Variants in MUSK observed in about 807,000 individuals in gnomAD.
MUSK encodes the protein muscle associated receptor tyrosine kinase, also known as muscle, skeletal receptor tyrosine-protein kinase.
A neutral mutation model predicts 88.7 loss-of-function variants in MUSK; 55 were observed. That is an observed-to-expected ratio of 0.62 (90% CI 0.50 to 0.78). The LOEUF (loss-of-function observed/expected upper bound fraction) is 0.78. MUSK is among the 30% of genes least tolerant of loss of function. The pLI is 0.00. For missense variants in MUSK, 1,015 were observed against 1,074.3 expected (o/e 0.94, Z 0.77); for synonymous variants, 387 against 391.9 (o/e 0.99, Z 0.15).
chr9:110,772,766 A>C (rs1043438273), intron 9 of MUSK, among the ~76,000 whole-genome samples: 10 of 152,058 alleles, frequency 6.6e-5, no homozygotes, highest in African/African-American at 2.4e-4. Context: ...TTTTTGCACC[A>C]AGAAATATTA....
At chr9:110,800,215 A>G (rs767055832) in intron 14 of MUSK, 91 bp from the exon 15 acceptor site, 6 of 1,155,236 alleles carry the variant, frequency 5.2e-6, no homozygotes, top group Admixed American at 4.6e-5. Flanking sequence ...AGGGCTTCAT[A>G]TGTTCTGACA....
At position 110,804,926 on chromosome 9, in the gene MUSK, A is replaced by G. The variant is rs2132079517; in HGVS notation, c.*3938A>G. ...ATAGAGAGAGATAGATAGATAATTT[A>G]AACAAAAATAAGATCATACTGCTAC... On this transcript the variant is annotated 3_prime_UTR_variant, in exon 15 of 15. Coordinates refer to ENST00000374448, the MANE Select transcript of MUSK (RefSeq NM_005592.4). Among the ~76,000 whole-genome samples the G allele has an allele frequency of 6.6e-6, 1 of 152,060 alleles. No homozygotes were observed. The highest frequency in any genetic ancestry group is 2.1e-4 in the South Asian group (1 of 4,826).
intron 3 of MUSK, among the ~76,000 whole-genome samples, chr9:110,689,214 T>C (rs1261793843): frequency 6.2e-5 from 6 of 97,404 alleles, no homozygotes; most frequent in African/African-American, 2.9e-4. Context: ...ATATTTTATA[T>C]AATATATAAT....
chr9:110,781,780 G>C (rs1190673635), intron 11 of MUSK, among the ~76,000 whole-genome samples: 1 of 152,146 alleles, frequency 6.6e-6, no homozygotes. Context: ...ACGGGCGAGG[G>C]AGCTTTCTTG....
At chr9:110,681,468 T>A (rs1210332983) in intron 1 of MUSK, among the ~76,000 whole-genome samples, 1 of 151,634 alleles carries the variant, frequency 6.6e-6, no homozygotes, top group Non-Finnish European at 1.5e-5. Context: ...TGAGTGTGGG[T>A]CAAAGACGTA....
intron 7 of MUSK, among the ~76,000 whole-genome samples, chr9:110,759,982 G>C (rs948420252): frequency 6.6e-6 from 1 of 152,216 alleles, no homozygotes; most frequent in East Asian, 1.9e-4. Context: ...GCTGCAGTGA[G>C]CCAAGATCAC....
At chr9:110,702,399 T>TGAGAAA (rs1182709149) in intron 5 of MUSK, among the ~76,000 whole-genome samples, 1 of 152,078 alleles carries the variant, frequency 6.6e-6, no homozygotes, top group East Asian at 1.9e-4. Context: ...TGTATAAAGC[T>TGAGAAA]GAGAACCACA....
At chr9:110,779,058 CTGTG>C (rs10680441) in intron 11 of MUSK, among the ~76,000 whole-genome samples, 49 of 149,716 alleles carry the variant, frequency 3.3e-4, no homozygotes, top group Admixed American at 2.5e-3. Context: ...GTCAGTGTCT[CTGTG>C]TGTGTGTGTG....
chr9:110,749,778 C>A (rs554211590), intron 7 of MUSK, among the ~76,000 whole-genome samples: 1 of 151,962 alleles, frequency 6.6e-6, no homozygotes, highest in East Asian at 1.9e-4. Flanking sequence ...ATAAGGTTTG[C>A]AAATGCTTGA....
At chr9:110,747,595 T>A (rs1417769042) in intron 6 of MUSK, 46 bp from the exon 7 acceptor site, 11 of 1,551,498 alleles carry the variant, frequency 7.1e-6, no homozygotes, top group Non-Finnish European at 9.7e-6. Flanking sequence ...CATAGTATAG[T>A]GGGAAATCCT....
Position 110,799,324 on chromosome 9 carries a change from A to G in MUSK, c.1928-982A>G, listed in dbSNP as rs1000781118. Among the ~76,000 whole-genome samples the G allele has an allele frequency of 2.6e-5, 4 of 152,174 alleles. No individual in the cohort carries two copies. In the South Asian group the frequency reaches 6.2e-4, roughly 24 times the overall value. ...TATGCCCATCTTATCTAATATTCCA[A>G]GTTCTCCAGTTTCCCTCTCAAATAT... On this transcript the variant is annotated intron_variant, in intron 14 of 14. Coordinates refer to ENST00000374448, the MANE Select transcript of MUSK (RefSeq NM_005592.4).
intron 5 of MUSK, among the ~76,000 whole-genome samples, chr9:110,699,589 A>C (rs2076475232): frequency 6.6e-6 from 1 of 152,200 alleles, no homozygotes. Context: ...ACCTATTTAG[A>C]GGTAAGGCTA....
intron 6 of MUSK, among the ~76,000 whole-genome samples, chr9:110,735,811 A>G (rs1156730538): frequency 6.6e-6 from 1 of 152,128 alleles, no homozygotes; most frequent in Non-Finnish European, 1.5e-5. Flanking sequence ...TGGGAGCAAG[A>G]CATCTCACAT....
intron 7 of MUSK, among the ~76,000 whole-genome samples, chr9:110,761,263 G>C (rs1001307945): frequency 2.0e-5 from 3 of 152,180 alleles, no homozygotes; most frequent in Non-Finnish European, 1.5e-5. Flanking sequence ...AGAGCCCTGA[G>C]TTTTTACATC....
intron 1 of MUSK, among the ~76,000 whole-genome samples, chr9:110,670,053 C>A (rs1428444294): frequency 6.6e-6 from 1 of 151,126 alleles, no homozygotes; most frequent in African/African-American, 2.5e-5. Flanking sequence ...GGTCAAAGTT[C>A]ACATGCAAAT....
At chr9:110,767,694 C>A in intron 8 of MUSK, 126 bp from the exon 9 acceptor site, 2 of 1,026,538 alleles carry the variant, frequency 1.9e-6, no homozygotes, top group South Asian at 1.3e-5. Context: ...GCGTGTCAAC[C>A]AATTTACTAG....
At chr9:110,748,167 C>T (rs1160740843) in intron 7 of MUSK, among the ~76,000 whole-genome samples, 1 of 148,954 alleles carries the variant, frequency 6.7e-6, no homozygotes, top group Non-Finnish European at 1.5e-5. Flanking sequence ...CCCTTATTCC[C>T]TCCTTCATTC....
chr9:110,703,402 C>T (rs932735978), intron 5 of MUSK, among the ~76,000 whole-genome samples: 3 of 151,812 alleles, frequency 2.0e-5, no homozygotes, highest in Non-Finnish European at 2.9e-5. Context: ...TGGTGGTGCA[C>T]GCCTGTAGTT....
chr9:110,738,861 T>C (rs2077059967), intron 6 of MUSK, among the ~76,000 whole-genome samples: 1 of 152,206 alleles, frequency 6.6e-6, no homozygotes, highest in African/African-American at 2.4e-5. Context: ...ATACCAGTGA[T>C]GCATTTTCCT....
Sources: allele counts gnomAD v4.1 joint callset (sites outside exome capture counted in the v4.1 genomes callset), GRCh38; gene constraint gnomAD v4.1.1; transcripts MANE v1.5; gene names NCBI Gene and HGNC (gene_info 2026-07-23, HGNC 2026-07-21).